Variants in KRAS observed in about 807,000 individuals in gnomAD.
KRAS encodes KRas proto-oncogene, GTPase.
KRAS carries 1 observed loss-of-function variant against 21.0 expected under a neutral mutation model. That is an observed-to-expected ratio of 0.05 (90% CI 0.02 to 0.23). The LOEUF is 0.23. KRAS is among the 10% of genes least tolerant of loss of function. The pLI, the probability that KRAS is intolerant of heterozygous loss-of-function variation, is 1.00. For synonymous variants in KRAS, 67 were observed against 72.5 expected (o/e 0.92, Z 0.39); for missense variants, 107 against 221.8 (o/e 0.48, Z 3.29).
At position 25,209,806 on chromosome 12, in the gene KRAS, C is replaced by T. The variant is rs1432921036; in HGVS notation, c.556G>A (p.Val186Ile). ...AGTACAAATTGTATTTACATAATTA[C>T]ACACTTTGTCTTTGACTTCTTTTTC... ...KKKKKSKTKC[V>I]IM Residue 186 changes from valine to isoleucine, a missense_variant, in exon 5 of 5, where the codon GTA becomes ATA. Around this residue, in one of 2 missense-constraint regions of KRAS, gnomAD observed 65 missense variants for 82.3 expected, o/e 0.79. Transcript: ENST00000311936. 1.9e-6 allele frequency: 3 copies of T among 1,607,834 alleles called. No individual in the cohort carries two copies. The Admixed American group carries it at 5.0e-5, about 27-fold the overall frequency.
chr12:25,235,268 A>G, intron 2 of KRAS: 5 of 531,584 alleles, frequency 9.4e-6, no homozygotes, highest in Non-Finnish European at 1.8e-5. Flanking sequence ...TTAATGCTCA[A>G]GTACTTTACG....
At chr12:25,212,667 A>G (rs754257771) in intron 4 of KRAS, among the ~76,000 whole-genome samples, 1 of 152,234 alleles carries the variant, frequency 6.6e-6, no homozygotes, top group Non-Finnish European at 1.5e-5. Context: ...TATGAGAACT[A>G]ATCATTCTCA....
intron 4 of KRAS, among the ~76,000 whole-genome samples, chr12:25,223,732 T>C (rs1266231778): frequency 6.6e-6 from 1 of 152,218 alleles, no homozygotes; most frequent in Non-Finnish European, 1.5e-5. Flanking sequence ...ATTTACATTT[T>C]TGCACCTTTA....
intron 2 of KRAS, among the ~76,000 whole-genome samples, chr12:25,228,118 C>T (rs1361357973): frequency 6.7e-6 from 1 of 149,170 alleles, no homozygotes; most frequent in African/African-American, 2.5e-5. Context: ...TAGAGCCTGA[C>T]ATGATGCTAA....
At chr12:25,244,832 G>A (rs972792200) in intron 2 of KRAS, among the ~76,000 whole-genome samples, 11 of 151,960 alleles carry the variant, frequency 7.2e-5, no homozygotes, top group Non-Finnish European at 1.5e-4. Flanking sequence ...CTCTAATGTT[G>A]AGAAGAAGAT....
At chr12:25,239,018 T>C (rs1823504827) in intron 2 of KRAS, among the ~76,000 whole-genome samples, 1 of 152,256 alleles carries the variant, frequency 6.6e-6, no homozygotes, top group Non-Finnish European at 1.5e-5. Context: ...CCCACTACAG[T>C]GCAAGGCGCA....
At chr12:25,248,258 C>G (rs1035860541) in intron 1 of KRAS, among the ~76,000 whole-genome samples, 2 of 152,014 alleles carry the variant, frequency 1.3e-5, no homozygotes, top group East Asian at 3.9e-4. Flanking sequence ...GTCAGGAGGT[C>G]GAGACCAGCC....
At chr12:25,241,325 T>C (rs1951607490) in intron 2 of KRAS, among the ~76,000 whole-genome samples, 2 of 152,102 alleles carry the variant, frequency 1.3e-5, no homozygotes, top group African/African-American at 4.8e-5. Context: ...CTACACAAAC[T>C]TAGGATTTCA....
At position 25,224,067 on chromosome 12, in the gene KRAS, C is replaced by T. The variant is rs188184152; in HGVS notation, c.450+1547G>A. ...TTATAGCCATCCTAACACTGTAGTACGACACATTGCTCACGTGTTTGTGGT... is the reference window on the plus strand; with the variant it reads ...TTATAGCCATCCTAACACTGTAGTATGACACATTGCTCACGTGTTTGTGGT... On this transcript the variant is annotated intron_variant, in intron 4 of 4. Coordinates refer to ENST00000311936, the MANE Select transcript of KRAS (RefSeq NM_004985.5). Among the ~76,000 whole-genome samples the T allele has an allele frequency of 1.8e-4, 27 of 150,752 alleles. No individual in the cohort carries two copies. In the East Asian group the frequency reaches 3.7e-3, roughly 21 times the overall value.
At chr12:25,238,933 TG>T (rs886310331) in intron 2 of KRAS, among the ~76,000 whole-genome samples, 1 of 152,246 alleles carries the variant, frequency 6.6e-6, no homozygotes, top group African/African-American at 2.4e-5. Flanking sequence ...TTGAATTACC[TG>T]GTCAAAGGAC....
intron 4 of KRAS, among the ~76,000 whole-genome samples, chr12:25,222,865 C>T (rs12579073): frequency 6.6e-6 from 1 of 151,862 alleles, no homozygotes; most frequent in Non-Finnish European, 1.5e-5. Context: ...AAAGGAGACA[C>T]AGCTATTTTA....
At chr12:25,235,268 A>C (rs755698281) in intron 2 of KRAS, 20 of 531,466 alleles carry the variant, frequency 3.8e-5, no homozygotes, top group Non-Finnish European at 6.4e-5. Flanking sequence ...TTAATGCTCA[A>C]GTACTTTACG....
At chr12:25,215,354 G>C in intron 4 of KRAS, 1 of 1,570,592 alleles carries the variant, frequency 6.4e-7, no homozygotes, top group South Asian at 1.1e-5. Context: ...CTACACCTAA[G>C]TAGTTCTAAA....
chr12:25,249,865 A>T (rs61759621), intron 1 of KRAS, among the ~76,000 whole-genome samples: 1 of 152,232 alleles, frequency 6.6e-6, no homozygotes, highest in East Asian at 1.9e-4. Context: ...ACACTCAACT[A>T]GCAAGGAAAA....
intron 2 of KRAS, among the ~76,000 whole-genome samples, chr12:25,239,462 A>G (rs1273386368): frequency 6.6e-6 from 1 of 152,234 alleles, no homozygotes; most frequent in Non-Finnish European, 1.5e-5. Flanking sequence ...AATTCCACAA[A>G]TAAGGAAACC....
At chr12:25,224,378 G>A (rs1004215624) in intron 4 of KRAS, among the ~76,000 whole-genome samples, 1 of 151,656 alleles carries the variant, frequency 6.6e-6, no homozygotes, top group Non-Finnish European at 1.5e-5. Context: ...CCCTGTGTAG[G>A]CCTAGGTTAA....
intron 2 of KRAS, among the ~76,000 whole-genome samples, chr12:25,244,621 TAA>T (rs1355002876): frequency 6.6e-6 from 1 of 152,086 alleles, no homozygotes; most frequent in African/African-American, 2.4e-5. Context: ...TTCATTAAAC[TAA>T]AAAAATCTGA....
chr12:25,237,868 A>ATCT lies in KRAS; in HGVS notation c.111+7403_111+7405dup, dbSNP rs370491769. Among the ~76,000 whole-genome samples, 423 of 152,344 alleles carry ATCT rather than the reference A, an allele frequency of 2.8e-3. 4 individuals carry two copies. The highest frequency in any genetic ancestry group is 0.01 in the South Asian group (50 of 4,832). On this transcript the variant is annotated intron_variant, in intron 2 of 4. Transcript: ENST00000311936. ...CTACTGAGAACTGTTCAGAAACAGT[A>ATCT]TCTTCTCCTTACAAAATCACTGGGC...
At chr12:25,247,489 C>G (rs546846649) in intron 1 of KRAS, among the ~76,000 whole-genome samples, 2 of 152,282 alleles carry the variant, frequency 1.3e-5, no homozygotes, top group African/African-American at 4.8e-5. Flanking sequence ...CCGTTTGCCT[C>G]CACGCTTTAT....
Sources: gnomAD v4.1 joint callset for allele counts (sites outside exome capture counted in the v4.1 genomes callset) on GRCh38, gnomAD v4.1.1 for gene constraint, gnomAD v4.1.1 regional missense constraint, MANE v1.5 for transcripts, NCBI Gene and HGNC (gene_info 2026-07-23, HGNC 2026-07-21) for gene names.